Variants in CBFA2T3 observed in about 807,000 individuals in gnomAD.
The protein encoded by CBFA2T3 is CBFA2/RUNX1 partner transcriptional co-repressor 3, also known as transcriptional corepressor CBFA2T3.
In CBFA2T3, 31 loss-of-function variants were observed where a neutral mutation model predicts 58.6. That is an observed-to-expected ratio of 0.53 (90% CI 0.40 to 0.71). The LOEUF is 0.71. Ranked by LOEUF, CBFA2T3 falls within the 30% of genes least tolerant of loss-of-function variation. The probability of loss-of-function intolerance (pLI) is 0.00; values close to 1 mark genes in which losing one functional copy is unlikely to be tolerated. For missense variants in CBFA2T3, 1,076 were observed against 963.1 expected (o/e 1.12, Z -1.55); for synonymous variants, 531 against 421.9 (o/e 1.26, Z -3.17).
At chr16:88,929,104 G>A (rs538778) in intron 1 of CBFA2T3, among the ~76,000 whole-genome samples, 50,143 of 152,142 alleles carry the variant, frequency 0.33, 9,813 homozygotes, top group African/African-American at 0.56. Context: ...GGGGGTCAGG[G>A]GTAGAAGCAA....
Position 88,885,150 on chromosome 16 carries a change from G to A in CBFA2T3, c.1013C>T (p.Pro338Leu), listed in dbSNP as rs940365095. Residue 338 changes from proline (P) to leucine (L), a missense_variant, in exon 7 of 12, where the codon CCG (proline) becomes CTG (leucine). Coordinates refer to ENST00000268679, the MANE Select transcript of CBFA2T3 (RefSeq NM_005187.6). The surrounding 1 kb of genome is among the most constrained non-coding windows in gnomAD (Gnocchi z 5.3). Reference sequence around the variant, plus strand: ...GTCCTCCAGGCGGTAGTGCGGCGGCGGTGTGGGCTGCGGTGGCCCGTTGCT... The same window carrying A: ...GTCCTCCAGGCGGTAGTGCGGCGGCAGTGTGGGCTGCGGTGGCCCGTTGCT... ...SPSNGPPQPT[P>L]PPHYRLEDIA... The A allele has an allele frequency of 1.4e-5, 22 of 1,601,402 alleles. No homozygotes were observed. The highest frequency in any genetic ancestry group is 3.3e-4 in the Middle Eastern group (2 of 6,048).
At chr16:88,970,194 C>T (rs893522364) in intron 1 of CBFA2T3, among the ~76,000 whole-genome samples, 6 of 152,226 alleles carry the variant, frequency 3.9e-5, no homozygotes, top group East Asian at 1.9e-4. Context: ...GAGGCGGTGG[C>T]GGCGGCCCCA....
chr16:88,917,036 T>G (rs376434921), intron 1 of CBFA2T3, among the ~76,000 whole-genome samples: 1 of 144,682 alleles, frequency 6.9e-6, no homozygotes, highest in African/African-American at 2.6e-5. Flanking sequence ...ATCCCACCAC[T>G]GCACTCCAGC....
intron 1 of CBFA2T3, chr16:88,937,480 A>C (rs529374789): frequency 6.6e-6 from 1 of 152,350 alleles, no homozygotes; most frequent in East Asian, 1.9e-4. Flanking sequence ...CTCCCGGCCC[A>C]CTCCCTGCCG....
chr16:88,936,481 C>A (rs1971504477), intron 1 of CBFA2T3, among the ~76,000 whole-genome samples: 1 of 151,846 alleles, frequency 6.6e-6, no homozygotes, highest in African/African-American at 2.4e-5. Context: ...AGCCGAGTAT[C>A]CACCACGACC....
intron 1 of CBFA2T3, among the ~76,000 whole-genome samples, chr16:88,910,500 C>T (rs1970497322): frequency 6.6e-6 from 1 of 152,224 alleles, no homozygotes; most frequent in African/African-American, 2.4e-5. Context: ...AAGGCACAGC[C>T]CACTGAGGAC....
Position 88,885,298 on chromosome 16 carries a change from C to A in CBFA2T3, c.894-29G>T, listed in dbSNP as rs367992838. ...GCCCCAAGAGCAGGTGGGGCGAGGG[C>A]AGTGGACATAGGATGAACCGGGGAC... is the stretch of plus-strand genomic sequence containing the variant. On this transcript the variant is annotated intron_variant, in intron 6 of 11. Coordinates refer to ENST00000268679, the MANE Select transcript of CBFA2T3 (RefSeq NM_005187.6). The surrounding 1 kb of genome is among the most constrained non-coding windows in gnomAD (Gnocchi z 5.3). The A allele has an allele frequency of 2.7e-6, 4 of 1,475,312 alleles. No individual in the cohort carries two copies. The African/African-American group carries it at 5.6e-5, about 21-fold the overall frequency. 91.4% of individuals were successfully genotyped at this position (1,475,312 alleles called of 1,614,324 possible).
In CBFA2T3 at chr16:88,932,956, G is replaced by A. The variant is rs138549756; in HGVS notation, c.152-31300C>T. Among the ~76,000 whole-genome samples, 1,279 of 151,410 alleles carry A rather than the reference G, an allele frequency of 8.4e-3. 7 individuals are homozygous for A. The highest frequency in any genetic ancestry group is 0.013 in the Non-Finnish European group (909 of 67,712). Reference sequence around the variant, plus strand: ...TGCACTCCAGCCTGGGCGACAGAGTGAGATTGTGTCTGGGGGAAAAAAAGA... The same window carrying A: ...TGCACTCCAGCCTGGGCGACAGAGTAAGATTGTGTCTGGGGGAAAAAAAGA... On this transcript the variant is annotated intron_variant, in intron 1 of 11. Transcript: ENST00000268679.
rs768852995 is a variant in CBFA2T3 at position 88,898,194 on chromosome 16, G to A, written c.305-42C>T. On this transcript the variant is annotated intron_variant, in intron 2 of 11. Coordinates refer to ENST00000268679, the MANE Select transcript of CBFA2T3 (RefSeq NM_005187.6). ...AAGAACACGCTGTCAGGAGGGGCGTGGGCAGGAGACTCTGCCCTCAGGGGC... is the reference window on the plus strand; with the variant it reads ...AAGAACACGCTGTCAGGAGGGGCGTAGGCAGGAGACTCTGCCCTCAGGGGC... 1.1e-5 allele frequency: 17 copies of A among 1,498,330 alleles called. No individual in the cohort carries two copies. The South Asian group carries it at 1.2e-4, about 11-fold the overall frequency. 92.8% of individuals were successfully genotyped at this position (1,498,330 alleles called of 1,614,324 possible). A position where few individuals can be genotyped will look rare whatever the true frequency, so the allele number is the denominator to read the frequency against.
chr16:88,954,418 A>AGCCAAGGCTCCTGATCCCC (rs1972161093), intron 1 of CBFA2T3, among the ~76,000 whole-genome samples: 1 of 131,468 alleles, frequency 7.6e-6, no homozygotes, highest in Non-Finnish European at 1.6e-5. Flanking sequence ...TCCTGACCCC[A>AGCCAAGGCTCCTGATCCCC]CCCAAGGCTC....
chr16:88,951,114 G>C (rs1196080391), intron 1 of CBFA2T3: 1 of 370,938 alleles, frequency 2.7e-6, no homozygotes, highest in Non-Finnish European at 5.3e-6. Flanking sequence ...TCAGAGTGTT[G>C]GCACCTGTCT....
chr16:88,971,363 G>A (rs1972651759), intron 1 of CBFA2T3, among the ~76,000 whole-genome samples: 1 of 152,168 alleles, frequency 6.6e-6, no homozygotes, highest in East Asian at 1.9e-4. Flanking sequence ...GCCTGCCTCG[G>A]CCTCCCAAAG....
At chr16:88,891,765 C>A in intron 5 of CBFA2T3, 117 bp downstream of exon 5, 1 of 699,206 alleles carries the variant, frequency 1.4e-6, no homozygotes. Context: ...ATCCACCTGC[C>A]TATCTGGCCA....
chr16:88,943,467 C>T (rs1053461502), intron 1 of CBFA2T3, among the ~76,000 whole-genome samples: 24 of 152,224 alleles, frequency 1.6e-4, no homozygotes, highest in African/African-American at 5.8e-4. Context: ...ACAACCCAGG[C>T]GCTGCACCTG....
At chr16:88,954,526 G>A (rs1972166207) in intron 1 of CBFA2T3, among the ~76,000 whole-genome samples, 1 of 120,994 alleles carries the variant, frequency 8.3e-6, no homozygotes, top group African/African-American at 3.8e-5. Flanking sequence ...CAAGGCTCCT[G>A]ACTCCACCCA....
intron 5 of CBFA2T3, among the ~76,000 whole-genome samples, chr16:88,891,620 G>T (rs1969634461): frequency 6.6e-6 from 1 of 152,214 alleles, no homozygotes; most frequent in Non-Finnish European, 1.5e-5. Context: ...CTGGATTTAA[G>T]GGCTGATAAT....
chr16:88,915,744 G>GA (rs200126407), intron 1 of CBFA2T3, among the ~76,000 whole-genome samples: 4,752 of 128,460 alleles, frequency 0.037, 377 homozygotes, highest in African/African-American at 0.13. Flanking sequence ...GGGGAGCGTG[G>GA]GGGGGGAGTG....
chr16:88,920,125 G>A (rs1597727885), intron 1 of CBFA2T3, among the ~76,000 whole-genome samples: 1 of 152,158 alleles, frequency 6.6e-6, no homozygotes, highest in South Asian at 2.1e-4. Context: ...GAGGCCTGCC[G>A]TCCTCCCACA....
At chr16:88,918,018 G>C (rs1439363314) in intron 1 of CBFA2T3, among the ~76,000 whole-genome samples, 1 of 152,142 alleles carries the variant, frequency 6.6e-6, no homozygotes, top group African/African-American at 2.4e-5. Flanking sequence ...GTGGAGGAGT[G>C]GACAGCCTGG....
Sources: gnomAD v4.1 joint callset for allele counts (sites outside exome capture counted in the v4.1 genomes callset) on GRCh38, gnomAD v4.1.1 for gene constraint, Gnocchi (gnomAD v3.1) non-coding constraint, MANE v1.5 for transcripts, NCBI Gene and HGNC (gene_info 2026-07-23, HGNC 2026-07-21) for gene names.